Variants in FXN observed in about 807,000 individuals in gnomAD.
FXN encodes the protein frataxin.
In FXN, 14 loss-of-function variants were observed where a neutral mutation model predicts 22.4. The ratio of observed to expected loss-of-function variants is 0.62; its 90% confidence interval spans 0.41 to 0.98. FXN has a LOEUF of 0.98. Among genes scored for constraint, FXN ranks in the 50% least tolerant of loss-of-function variants. FXN has a pLI of 0.00. For synonymous variants in FXN, 120 were observed against 114.1 expected (o/e 1.05, Z -0.33); for missense variants, 267 against 268.4 (o/e 0.99, Z 0.04).
At position 69,078,288 on chromosome 9, in the gene FXN, G is replaced by A. The variant is rs1587835718; in HGVS notation, c.*5526G>A. ...CAAACCGTCCAGAGCATAGCCACCT[G>A]ATCCTGCTGGGATTCCTCTTGCCAG... On this transcript the variant is annotated 3_prime_UTR_variant, in exon 5 of 5. Coordinates refer to ENST00000484259, the MANE Select transcript of FXN (RefSeq NM_000144.5). The A allele has an allele frequency of 1.0e-6, 1 of 985,196 alleles. No individual in the cohort carries two copies. The allele number at this position is 985,196 out of a possible 1,614,324, so 61.0% of individuals were successfully genotyped here. A position where few individuals can be genotyped will look rare whatever the true frequency, so the allele number is the denominator to read the frequency against.
rs893513988 is a variant in FXN at position 69,072,934 on chromosome 9, C to T, written c.*172C>T. The T allele has an allele frequency of 1.5e-5, 22 of 1,461,696 alleles. No individual in the cohort carries two copies. The highest frequency in any genetic ancestry group is 5.0e-4 in the Middle Eastern group (2 of 4,020). 90.5% of individuals were successfully genotyped at this position (1,461,696 alleles called of 1,614,324 possible). On this transcript the variant is annotated 3_prime_UTR_variant, in exon 5 of 5. Coordinates refer to ENST00000484259, the MANE Select transcript of FXN (RefSeq NM_000144.5). ...GTAGAAAGAATGTGTTGCCTCCTAC[C>T]TTGCCCCCAAGTTCTGATTTTTAAT...
At position 69,073,166 on chromosome 9, in the gene FXN, T is replaced by C; in HGVS notation, c.*404T>C. On this transcript the variant is annotated 3_prime_UTR_variant, in exon 5 of 5. Transcript: ENST00000484259. ...CAAGAAGTACATGAAGAGCAGCTGG[T>C]CAACCTGCTCACTGTTCTATCTCCA... The C allele has an allele frequency of 9.1e-7, 1 of 1,104,296 alleles. No homozygotes were observed. The highest frequency in any genetic ancestry group is 2.6e-5 in the South Asian group (1 of 39,188). 68.4% of individuals were successfully genotyped at this position (1,104,296 alleles called of 1,614,324 possible).
intron 1 of FXN, among the ~76,000 whole-genome samples, chr9:69,044,690 T>A (rs989932488): frequency 2.0e-5 from 3 of 151,990 alleles, no homozygotes; most frequent in African/African-American, 7.2e-5. Context: ...CCCTGTCACC[T>A]CCCCTGCATC....
At chr9:69,061,136 G>C (rs946739684) in intron 3 of FXN, among the ~76,000 whole-genome samples, 1 of 152,226 alleles carries the variant, frequency 6.6e-6, no homozygotes. Context: ...CTTTGAAAAA[G>C]AGTGGCCTGA....
At chr9:69,035,976 G>GGCCGCACGCCGCGGGCCGCAC (rs761430705) in intron 1 of FXN, 29 bp downstream of exon 1, 13 of 1,414,898 alleles carry the variant, frequency 9.2e-6, no homozygotes, top group South Asian at 5.6e-5. Flanking sequence ...AACAGCCGCG[G>GGCCGCACGCCGCGGGCCGCAC]GCCGCACGCC....
chr9:69,036,551 G>C (rs559174221), intron 1 of FXN, among the ~76,000 whole-genome samples: 1 of 152,330 alleles, frequency 6.6e-6, no homozygotes, highest in Admixed American at 6.5e-5. Flanking sequence ...CTTTATTCCA[G>C]ATTCTGCCCC....
At chr9:69,063,869 A>G (rs1468059365) in intron 3 of FXN, among the ~76,000 whole-genome samples, 1 of 152,082 alleles carries the variant, frequency 6.6e-6, no homozygotes, top group African/African-American at 2.4e-5. Flanking sequence ...TTTTTAGTAG[A>G]GACAGGGTTT....
chr9:69,069,117 A>G (rs1362133886), intron 4 of FXN, among the ~76,000 whole-genome samples: 1 of 152,204 alleles, frequency 6.6e-6, no homozygotes, highest in Admixed American at 6.5e-5. Flanking sequence ...TAATCCCAGC[A>G]CTTTGGGAGG....
chr9:69,059,562 G>A (rs546063731), intron 3 of FXN, among the ~76,000 whole-genome samples: 1 of 16,234 alleles, frequency 6.2e-5, no homozygotes, highest in East Asian at 4.5e-3. Context: ...ACTATGTCCA[G>A]CTAATTTTTT....
At position 69,078,501 on chromosome 9, in the gene FXN, GGCAAT is replaced by G. The variant is rs761663231; in HGVS notation, c.*5740_*5744del. On this transcript the variant is annotated 3_prime_UTR_variant, in exon 5 of 5. Coordinates refer to ENST00000484259, the MANE Select transcript of FXN (RefSeq NM_000144.5). ...AGTCTCCAGGGTAAGCTTTCAGAAA[GGCAAT>G]CTCTTGTCTGTAAAACCTAAGCAGG... 173,857 of 982,002 alleles carry G rather than the reference GGCAAT, an allele frequency of 0.18. 15,958 individuals carry two copies. The highest frequency in any genetic ancestry group is 0.3 in the East Asian group (2,642 of 8,782). The allele number at this position is 982,002 out of a possible 1,614,324, so 60.8% of individuals were successfully genotyped here. A position where few individuals can be genotyped will look rare whatever the true frequency, so the allele number is the denominator to read the frequency against.
At chr9:69,050,837 A>G (rs1831836419) in intron 2 of FXN, among the ~76,000 whole-genome samples, 2 of 151,334 alleles carry the variant, frequency 1.3e-5, no homozygotes, top group African/African-American at 2.4e-5. Flanking sequence ...CTGGAGCGCA[A>G]TGGCACGTCC....
At chr9:69,071,232 A>G (rs1441310575) in intron 4 of FXN, 1 of 518,990 alleles carries the variant, frequency 1.9e-6, no homozygotes, top group Non-Finnish European at 3.8e-6. Context: ...GGTGTGGTTT[A>G]TTAGTCCTTT....
chr9:69,078,016 CA>C lies in FXN; in HGVS notation c.*5255del. The stretch of plus-strand genomic sequence containing the variant: ...ATAAGACAATATCATTTCCCAATTA[CA>C]TTCCTTTCCTACCGCACTCTATGAT... On this transcript the variant is annotated 3_prime_UTR_variant, in exon 5 of 5. Coordinates refer to ENST00000484259, the MANE Select transcript of FXN (RefSeq NM_000144.5). 7.1e-6 allele frequency: 7 copies of C among 985,392 alleles called. No individual in the cohort carries two copies. The highest frequency in any genetic ancestry group is 8.4e-6 in the Non-Finnish European group (7 of 829,872). 61.0% of individuals were successfully genotyped at this position (985,392 alleles called of 1,614,324 possible).
chr9:69,047,043 T>G (rs924410880), intron 2 of FXN, among the ~76,000 whole-genome samples: 3 of 152,196 alleles, frequency 2.0e-5, no homozygotes, highest in Non-Finnish European at 2.9e-5. Context: ...TGGTGTGGCC[T>G]TAGCTGACTG....
rs548372260 is a variant in FXN at position 69,063,875 on chromosome 9, G to C, written c.385-1063G>C. Among the ~76,000 whole-genome samples the C allele has an allele frequency of 3.3e-5, 5 of 152,220 alleles. 1 individual carries two copies. In the East Asian group the frequency reaches 9.7e-4, roughly 29 times the overall value. The stretch of plus-strand genomic sequence containing the variant: ...ATTTTTGCATTTTTAGTAGAGACAG[G>C]GTTTTGCCATATTGCCTAGGCCGGT... On this transcript the variant is annotated intron_variant, in intron 3 of 4. Coordinates refer to ENST00000484259, the MANE Select transcript of FXN (RefSeq NM_000144.5).
Position 69,074,459 on chromosome 9 carries a change from A to G in FXN, c.*1697A>G, listed in dbSNP as rs1984004. 0.47 allele frequency: 460,547 copies of G among 976,582 alleles called. 109,854 individuals carry two copies. The highest frequency in any genetic ancestry group is 0.65 in the East Asian group (5,657 of 8,706). 60.5% of individuals were successfully genotyped at this position (976,582 alleles called of 1,614,324 possible). On this transcript the variant is annotated 3_prime_UTR_variant, in exon 5 of 5. Coordinates refer to ENST00000484259, the MANE Select transcript of FXN (RefSeq NM_000144.5). Reference sequence around the variant, plus strand: ...TGAGACGGGAGAATTGCTTGACCCCAGGCGGAGGAGGTTACAGTGAGTCGA... The same window carrying G: ...TGAGACGGGAGAATTGCTTGACCCCGGGCGGAGGAGGTTACAGTGAGTCGA...
At position 69,078,534 on chromosome 9, in the gene FXN, C is replaced by G. The variant is rs1196802862; in HGVS notation, c.*5772C>G. On this transcript the variant is annotated 3_prime_UTR_variant, in exon 5 of 5. Transcript: ENST00000484259. ...CTTGTCTGTAAAACCTAAGCAGGACCAAGGCCAAGTTTCTTAGCCTGAAAA... is the reference window on the plus strand; with the variant it reads ...CTTGTCTGTAAAACCTAAGCAGGACGAAGGCCAAGTTTCTTAGCCTGAAAA... 1 of 985,406 alleles carries G rather than the reference C, an allele frequency of 1.0e-6. No homozygotes were observed. Among genetic ancestry groups the G allele is most frequent in the African/African-American group, 1.7e-5 (1 of 57,222 alleles). The allele number at this position is 985,406 out of a possible 1,614,324, so 61.0% of individuals were successfully genotyped here.
rs565563867 is a variant in FXN, at chr9:69,041,780, C to T, written c.166-4605C>T. Among the ~76,000 whole-genome samples, 4 of 152,242 alleles carry T rather than the reference C, an allele frequency of 2.6e-5. No homozygotes were observed. The South Asian group carries it at 8.3e-4, about 32-fold the overall frequency. ...ACCACTGGGCCTGAGACTTCAGGCC[C>T]AGAAACTATCTAATATTTCCTCAAA... On this transcript the variant is annotated intron_variant, in intron 1 of 4. Coordinates refer to ENST00000484259, the MANE Select transcript of FXN (RefSeq NM_000144.5).
intron 1 of FXN, among the ~76,000 whole-genome samples, chr9:69,037,987 G>C (rs976716135): frequency 6.6e-6 from 1 of 152,180 alleles, no homozygotes; most frequent in Middle Eastern, 3.2e-3. Flanking sequence ...AATGACAAGA[G>C]GTGGTACAGT....
Sources: gnomAD v4.1 joint callset for allele counts (sites outside exome capture counted in the v4.1 genomes callset) on GRCh38, gnomAD v4.1.1 for gene constraint, MANE v1.5 for transcripts, NCBI Gene and HGNC (gene_info 2026-07-23, HGNC 2026-07-21) for gene names.